LUZP2: variants seen among roughly 807,000 people sequenced by gnomAD.
LUZP2 encodes leucine zipper protein 2.
A neutral mutation model predicts 51.6 loss-of-function variants in LUZP2; 52 were observed. That is an observed-to-expected ratio of 1.01 (90% CI 0.81 to 1.27). LUZP2 has a LOEUF of 1.27. LUZP2 is among the 50% of genes most tolerant of loss of function. LUZP2 has a pLI of 0.00. For missense variants in LUZP2, 436 were observed against 395.4 expected, an observed-to-expected ratio of 1.10 and a Z score of -0.87; for synonymous variants, 154 against 137.3, an observed-to-expected ratio of 1.12 and a Z score of -0.85.
chr11:24,841,809 G>A (rs911668297), intron 5 of LUZP2, among the ~76,000 whole-genome samples: 4 of 152,144 alleles, frequency 2.6e-5, no homozygotes, highest in East Asian at 3.9e-4. Flanking sequence ...CTGTACTCAC[G>A]GTGCAAGTAT....
intron 7 of LUZP2, among the ~76,000 whole-genome samples, chr11:24,926,812 C>A (rs973208665): frequency 5.3e-5 from 8 of 151,484 alleles, no homozygotes; most frequent in Admixed American, 1.3e-4. Context: ...TAAGGAATCC[C>A]CACACTGTTT....
intron 5 of LUZP2, among the ~76,000 whole-genome samples, chr11:24,889,261 G>A (rs1214662766): frequency 6.6e-6 from 1 of 152,138 alleles, no homozygotes; most frequent in East Asian, 1.9e-4. Context: ...TGGGTGGGGG[G>A]CAAAAATATT....
At chr11:24,662,267 A>C (rs761181266) in intron 1 of LUZP2, among the ~76,000 whole-genome samples, 1 of 152,254 alleles carries the variant, frequency 6.6e-6, no homozygotes, top group East Asian at 1.9e-4. Flanking sequence ...TCATAAAACA[A>C]AACAGTTTTC....
At chr11:24,859,912 C>G (rs572544972) in intron 5 of LUZP2, among the ~76,000 whole-genome samples, 1 of 145,002 alleles carries the variant, frequency 6.9e-6, no homozygotes, top group East Asian at 2.0e-4. Context: ...CGCTGTCTTA[C>G]AGCCTCTCAG....
chr11:24,818,056 T>C (rs1056486500), intron 5 of LUZP2, among the ~76,000 whole-genome samples: 8 of 152,092 alleles, frequency 5.3e-5, no homozygotes, highest in African/African-American at 1.9e-4. Flanking sequence ...GCTAGAAAAT[T>C]CTCCAAGCTC....
chr11:24,906,048 G>GCC lies in LUZP2; in HGVS notation c.454_455insCC (p.Glu152AlafsTer11). 6.2e-7 allele frequency: 1 copy of GCC among 1,611,936 alleles called. No individual in the cohort carries two copies. The highest frequency in any genetic ancestry group is 8.5e-7 in the Non-Finnish European group (1 of 1,178,754). ...AAACAAGCTCTGTGGCATTCACGCA[G>GCC]AAGAGGTGAGTAAATTTTTGCTTCT... is the stretch of plus-strand genomic sequence containing the variant. On this transcript the variant is annotated frameshift_variant, in exon 6 of 12. Coordinates refer to ENST00000336930, the MANE Select transcript of LUZP2 (RefSeq NM_001009909.4). LOFTEE classifies it high-confidence loss of function.
Position 24,714,363 on chromosome 11 carries a change from T to C in LUZP2, c.63-14806T>C, listed in dbSNP as rs182605840. On this transcript the variant is annotated intron_variant, in intron 1 of 11. Transcript: ENST00000336930. The stretch of plus-strand genomic sequence containing the variant: ...ATGCTTTTCTTTCTATTTGAAGAAA[T>C]ATATAATTTTTGAGTTGCATTGCCT... Among the ~76,000 whole-genome samples the C allele has an allele frequency of 2.9e-3, 439 of 152,148 alleles. 1 individual carries two copies. Among genetic ancestry groups the C allele is most frequent in the African/African-American group, 0.01 (425 of 41,500 alleles).
At chr11:24,847,765 T>C (rs112442757) in intron 5 of LUZP2, among the ~76,000 whole-genome samples, 15 of 152,300 alleles carry the variant, frequency 9.8e-5, no homozygotes, top group African/African-American at 3.4e-4. Context: ...TTAATCACAC[T>C]TTGTCTACAG....
chr11:25,019,964 C>G (rs1202619000), intron 9 of LUZP2, among the ~76,000 whole-genome samples: 1 of 151,948 alleles, frequency 6.6e-6, no homozygotes, highest in East Asian at 1.9e-4. Context: ...TTTTCACATC[C>G]TGGATTGTGT....
intron 1 of LUZP2, among the ~76,000 whole-genome samples, chr11:24,497,823 A>G (rs1849873626): frequency 6.6e-6 from 1 of 152,222 alleles, no homozygotes; most frequent in South Asian, 2.1e-4. Flanking sequence ...GCATGTTTCA[A>G]CGTCTTGGAT....
intron 9 of LUZP2, among the ~76,000 whole-genome samples, chr11:24,997,906 A>G (rs28887477): frequency 0.39 from 58,809 of 151,544 alleles, 13,635 homozygotes; most frequent in East Asian, 0.69. Context: ...TTTTTCTCAG[A>G]TTTGTCAAAG....
rs140940078 is a variant in LUZP2, at chr11:24,654,336, C to T, written c.63-74833C>T. 9.9e-3 allele frequency among the ~76,000 whole-genome samples: 1,512 copies of T among 152,228 alleles called. 22 individuals carry two copies. The highest frequency in any genetic ancestry group is 0.034 in the African/African-American group (1,409 of 41,532). On this transcript the variant is annotated intron_variant, in intron 1 of 11. Coordinates refer to ENST00000336930, the MANE Select transcript of LUZP2 (RefSeq NM_001009909.4). The stretch of plus-strand genomic sequence containing the variant: ...AATATTCTGTCAGCTAAAACTTTGT[C>T]CTCACCCTTAGTAATTTCCTAGAAG...
At chr11:25,007,841 G>T (rs941573029) in intron 9 of LUZP2, among the ~76,000 whole-genome samples, 1 of 152,060 alleles carries the variant, frequency 6.6e-6, no homozygotes, top group Non-Finnish European at 1.5e-5. Context: ...TTAAAATTTT[G>T]CTGTGAAATA....
At chr11:25,040,342 G>GCTTTTTTTTTTTTTTTTTTT (rs1491549909) in intron 9 of LUZP2, among the ~76,000 whole-genome samples, 1 of 34,028 alleles carries the variant, frequency 2.9e-5, no homozygotes. Context: ...CTTTCTTTCC[G>GCTTTTTTTTTTTTTTTTTTT]ATTTTTTTTT....
At chr11:24,925,292 C>T (rs1264734331) in intron 7 of LUZP2, among the ~76,000 whole-genome samples, 1 of 152,078 alleles carries the variant, frequency 6.6e-6, no homozygotes, top group Non-Finnish European at 1.5e-5. Context: ...CCCCCATCTT[C>T]TCATCTTGGC....
chr11:25,002,564 T>A (rs939693859), intron 9 of LUZP2, among the ~76,000 whole-genome samples: 1 of 152,134 alleles, frequency 6.6e-6, no homozygotes, highest in African/African-American at 2.4e-5. Context: ...GACAGTGAGA[T>A]CCTTTCCTTG....
intron 1 of LUZP2, among the ~76,000 whole-genome samples, chr11:24,674,389 T>C (rs915499699): frequency 6.6e-6 from 1 of 152,192 alleles, no homozygotes; most frequent in Non-Finnish European, 1.5e-5. Flanking sequence ...GATTTTCTCC[T>C]TCTATGAAGC....
rs904223532 is a variant in LUZP2 at position 25,082,514 on chromosome 11, A to G, written c.*3856A>G. On this transcript the variant is annotated 3_prime_UTR_variant, in exon 12 of 12. Coordinates refer to ENST00000336930, the MANE Select transcript of LUZP2 (RefSeq NM_001009909.4). ...AGGAGACATTTTCTTAGTCGTGTGTATAGTCCTAAATTTCCCCAAACTATG... is the reference window on the plus strand; with the variant it reads ...AGGAGACATTTTCTTAGTCGTGTGTGTAGTCCTAAATTTCCCCAAACTATG... 2 of 152,336 alleles carry G rather than the reference A, an allele frequency of 1.3e-5. No homozygotes were observed. The highest frequency in any genetic ancestry group is 2.9e-5 in the Non-Finnish European group (2 of 68,010). 9.4% of individuals were successfully genotyped at this position (152,336 alleles called of 1,614,324 possible).
chr11:24,525,288 T>A (rs914504867), intron 1 of LUZP2, among the ~76,000 whole-genome samples: 4 of 151,700 alleles, frequency 2.6e-5, no homozygotes, highest in African/African-American at 9.7e-5. Flanking sequence ...CATATGAAAA[T>A]GATGCCACAT....
Sources: allele counts gnomAD v4.1 joint callset (sites outside exome capture counted in the v4.1 genomes callset), GRCh38; gene constraint gnomAD v4.1.1; transcripts MANE v1.5; gene names NCBI Gene and HGNC (gene_info 2026-07-23, HGNC 2026-07-21).